The following FHIT variants were observed in gnomAD, a reference collection of about 807,000 sequenced individuals.
FHIT encodes the protein bis(5'-adenosyl)-triphosphatase.
A neutral mutation model predicts 17.9 loss-of-function variants in FHIT; 19 were observed. The ratio of observed to expected loss-of-function variants is 1.06; its 90% CI spans 0.74 to 1.56. The LOEUF (loss-of-function observed/expected upper bound fraction) is 1.56, where lower values mean the gene tolerates loss of function less well. FHIT is among the 40% of genes most tolerant of loss of function. FHIT has a pLI of 0.00. For synonymous variants in FHIT, 81 were observed against 69.7 expected (o/e 1.16, Z -0.81); for missense variants, 248 against 189.2 (o/e 1.31, Z -1.82).
intron 5 of FHIT, among the ~76,000 whole-genome samples, chr3:60,183,093 T>C (rs909298598): frequency 1.3e-5 from 2 of 152,072 alleles, no homozygotes; most frequent in African/African-American, 2.4e-5. Context: ...GTAAAATATC[T>C]TGAAAAAGTG....
rs139350088 is a variant in FHIT, at chr3:61,231,962, C to T, written c.-213+19339G>A. On this transcript the variant is annotated intron_variant, in intron 1 of 9. Coordinates refer to ENST00000492590, the MANE Select transcript of FHIT (RefSeq NM_002012.4). The stretch of plus-strand genomic sequence containing the variant: ...ATGAAAATATGTGCTTGGGTTGTGA[C>T]TGTGGTGGGCTCTTAAAGGTAGGCT... Among the ~76,000 whole-genome samples the T allele has an allele frequency of 5.0e-3, 766 of 152,204 alleles. 9 individuals are homozygous for T. Among genetic ancestry groups the T allele is most frequent in the African/African-American group, 0.018 (735 of 41,508 alleles).
At chr3:61,041,391 T>C (rs1002846115) in intron 3 of FHIT, among the ~76,000 whole-genome samples, 1 of 151,624 alleles carries the variant, frequency 6.6e-6, no homozygotes, top group Non-Finnish European at 1.5e-5. Flanking sequence ...AAAAAAAAAT[T>C]TACAAGACTA....
At chr3:59,788,861 G>A (rs1395476857) in intron 8 of FHIT, among the ~76,000 whole-genome samples, 6 of 54,574 alleles carry the variant, frequency 1.1e-4, no homozygotes, top group East Asian at 6.1e-4. Context: ...TCAGAACCAC[G>A]TTCTTTGCTG....
intron 2 of FHIT, among the ~76,000 whole-genome samples, chr3:61,193,821 G>A (rs1372895272): frequency 2.6e-5 from 4 of 152,182 alleles, no homozygotes; most frequent in African/African-American, 9.7e-5. Context: ...TCTCACAAGA[G>A]TCACAGCCAA....
chr3:61,224,624 G>T (rs1334735763), intron 1 of FHIT, among the ~76,000 whole-genome samples: 1 of 152,068 alleles, frequency 6.6e-6, no homozygotes, highest in African/African-American at 2.4e-5. Flanking sequence ...TGGCCAGGCT[G>T]GTCTTGTACT....
chr3:60,080,740 G>C (rs564060422), intron 5 of FHIT: 4 of 152,206 alleles, frequency 2.6e-5, no homozygotes, highest in African/African-American at 7.2e-5. Context: ...AGAAGGGAGT[G>C]CAAAAGAAGA....
intron 5 of FHIT, among the ~76,000 whole-genome samples, chr3:60,530,118 A>G (rs2035720978): frequency 6.6e-6 from 1 of 152,176 alleles, no homozygotes; most frequent in African/African-American, 2.4e-5. Context: ...AAGGTAAAAC[A>G]TAGTATGGAA....
intron 3 of FHIT, among the ~76,000 whole-genome samples, chr3:61,029,715 T>C (rs1254047970): frequency 6.6e-6 from 1 of 152,068 alleles, no homozygotes; most frequent in Non-Finnish European, 1.5e-5. Flanking sequence ...GCAAAGGAAT[T>C]TTTTTTTCTT....
intron 5 of FHIT, among the ~76,000 whole-genome samples, chr3:60,274,364 C>A (rs1006658096): frequency 3.9e-5 from 6 of 152,102 alleles, no homozygotes; most frequent in Non-Finnish European, 5.9e-5. Flanking sequence ...TATATATCAC[C>A]ATTTACATAT....
chr3:60,038,984 A>T (rs1431957533), intron 5 of FHIT, among the ~76,000 whole-genome samples: 1 of 152,200 alleles, frequency 6.6e-6, no homozygotes, highest in Non-Finnish European at 1.5e-5. Flanking sequence ...ATTTTGGATC[A>T]TCTCAGTCAG....
chr3:60,366,746 C>G (rs1248731196), intron 5 of FHIT, among the ~76,000 whole-genome samples: 1 of 152,118 alleles, frequency 6.6e-6, no homozygotes, highest in Non-Finnish European at 1.5e-5. Flanking sequence ...GAATCATGAG[C>G]TGTATAAATC....
intron 7 of FHIT, among the ~76,000 whole-genome samples, chr3:59,969,741 A>G (rs1172626543): frequency 6.6e-6 from 1 of 152,048 alleles, no homozygotes; most frequent in East Asian, 1.9e-4. Flanking sequence ...TGACTTTAGT[A>G]CAGCTTCATC....
At chr3:60,307,801 T>A (rs1326263365) in intron 5 of FHIT, among the ~76,000 whole-genome samples, 1 of 152,130 alleles carries the variant, frequency 6.6e-6, no homozygotes, top group African/African-American at 2.4e-5. Context: ...GCTCAGATGC[T>A]GTCTGTGCCC....
intron 3 of FHIT, among the ~76,000 whole-genome samples, chr3:60,887,621 G>A (rs1399390615): frequency 7.2e-5 from 11 of 152,036 alleles, no homozygotes; most frequent in African/African-American, 2.7e-4. Flanking sequence ...ACTCCAGCCT[G>A]GGCAACAAGA....
chr3:61,029,598 T>C (rs2032911220), intron 3 of FHIT, among the ~76,000 whole-genome samples: 1 of 152,164 alleles, frequency 6.6e-6, no homozygotes. Flanking sequence ...AGCTACAAAC[T>C]GTCATACAAA....
At chr3:60,815,878 TC>T in intron 4 of FHIT, among the ~76,000 whole-genome samples, 1 of 152,232 alleles carries the variant, frequency 6.6e-6, no homozygotes, top group African/African-American at 2.4e-5. Flanking sequence ...GGAATGTTTT[TC>T]CATCTGTTTG....
At chr3:60,462,423 C>A (rs1385752990) in intron 5 of FHIT, among the ~76,000 whole-genome samples, 1 of 152,136 alleles carries the variant, frequency 6.6e-6, no homozygotes, top group East Asian at 1.9e-4. Context: ...CTCCCAAACA[C>A]TGTAAGAACC....
chr3:59,837,790 C>T (rs957002886), intron 8 of FHIT, among the ~76,000 whole-genome samples: 2 of 152,094 alleles, frequency 1.3e-5, no homozygotes, highest in African/African-American at 4.8e-5. Flanking sequence ...ACCTATAGGA[C>T]TCTGGGCAAG....
intron 5 of FHIT, among the ~76,000 whole-genome samples, chr3:60,317,775 G>T (rs113465190): frequency 3.0e-3 from 422 of 138,994 alleles, no homozygotes; most frequent in African/African-American, 0.012. Flanking sequence ...TCCATTCTGG[G>T]CAAGTTTTTC....
Sources: gnomAD v4.1 joint callset for allele counts (sites outside exome capture counted in the v4.1 genomes callset) on GRCh38, gnomAD v4.1.1 for gene constraint, MANE v1.5 for transcripts, NCBI Gene and HGNC (gene_info 2026-07-23, HGNC 2026-07-21) for gene names.